The following SNTG2 variants were observed in gnomAD, a reference collection of about 807,000 sequenced individuals.
The protein encoded by SNTG2 is syntrophin gamma 2, also known as gamma-2-syntrophin.
Under a neutral mutation model 70.9 loss-of-function variants are expected in SNTG2, and 74 were observed. That is an observed-to-expected ratio of 1.04 (90% CI 0.86 to 1.27). The LOEUF is 1.27. Ranked by LOEUF, SNTG2 falls within the 50% of genes most tolerant of loss-of-function variation. The probability of loss-of-function intolerance (pLI) is 0.00; values close to 1 mark genes in which losing one functional copy is unlikely to be tolerated. For synonymous variants in SNTG2, 278 were observed against 273.8 expected, an observed-to-expected ratio of 1.02 and a Z score of -0.15; for missense variants, 717 against 690.7, an observed-to-expected ratio of 1.04 and a Z score of -0.43.
intron 16 of SNTG2, among the ~76,000 whole-genome samples, chr2:1,318,103 A>G (rs1187808876): frequency 6.6e-6 from 1 of 152,226 alleles, no homozygotes. Flanking sequence ...CCTGGAGGTG[A>G]CATTGTACTA....
intron 7 of SNTG2, among the ~76,000 whole-genome samples, chr2:1,165,864 G>T (rs1558480303): frequency 6.6e-6 from 1 of 152,124 alleles, no homozygotes; most frequent in Admixed American, 6.5e-5. Flanking sequence ...CGTGCTTCTC[G>T]ACTGTGCTTC....
chr2:1,336,529 T>C (rs546196438), intron 16 of SNTG2, among the ~76,000 whole-genome samples: 90 of 152,344 alleles, frequency 5.9e-4, no homozygotes, highest in African/African-American at 2.1e-3. Context: ...CAAAACATCA[T>C]TGCCCAGACC....
intron 9 of SNTG2, among the ~76,000 whole-genome samples, chr2:1,237,394 A>T (rs949262571): frequency 3.9e-5 from 6 of 152,178 alleles, no homozygotes; most frequent in Non-Finnish European, 7.3e-5. Context: ...ATACTTTGCC[A>T]TGATTGAGTT....
At chr2:1,148,409 T>C (rs2147796287) in intron 6 of SNTG2, among the ~76,000 whole-genome samples, 1 of 152,274 alleles carries the variant, frequency 6.6e-6, no homozygotes, top group South Asian at 2.1e-4. Context: ...AGGTGCATGC[T>C]TCACAGAAGT....
At position 1,203,690 on chromosome 2, in the gene SNTG2, A is replaced by ATGTG. The variant is rs1553355281; in HGVS notation, c.592-5393_592-5390dup. Among the ~76,000 whole-genome samples the ATGTG allele has an allele frequency of 4.6e-3, 657 of 141,330 alleles. 6 individuals carry two copies. The highest frequency in any genetic ancestry group is 7.1e-3 in the Middle Eastern group (2 of 280). 92.7% of individuals were successfully genotyped at this position (141,330 alleles called of 152,430 possible). A position where few individuals can be genotyped will look rare whatever the true frequency, so the allele number is the denominator to read the frequency against. ...AAAAAAAAAATATATATATATATAT[A>ATGTG]TGTGTGTGTGTGTGTGTGTGTGTAT... On this transcript the variant is annotated intron_variant, in intron 8 of 16. Transcript: ENST00000308624.
intron 9 of SNTG2, among the ~76,000 whole-genome samples, chr2:1,215,557 T>C (rs573394094): frequency 2.6e-5 from 4 of 151,766 alleles, no homozygotes; most frequent in Admixed American, 2.6e-4. Flanking sequence ...TTTCTTTTTT[T>C]TCTTTTTTTT....
At chr2:1,320,245 G>A (rs987773854) in intron 16 of SNTG2, among the ~76,000 whole-genome samples, 5 of 152,062 alleles carry the variant, frequency 3.3e-5, no homozygotes, top group East Asian at 1.9e-4. Flanking sequence ...CAAAAATCAC[G>A]TAGAATTGGC....
chr2:1,188,105 G>GA (rs1454777160), intron 8 of SNTG2, among the ~76,000 whole-genome samples: 1 of 152,208 alleles, frequency 6.6e-6, no homozygotes, highest in Non-Finnish European at 1.5e-5. Context: ...CTTAGGTTAA[G>GA]AAAAAACAGA....
chr2:1,049,927 A>G (rs749531941), intron 1 of SNTG2, among the ~76,000 whole-genome samples: 1 of 152,212 alleles, frequency 6.6e-6, no homozygotes, highest in Non-Finnish European at 1.5e-5. Context: ...CTTATCTGCC[A>G]TCTGTATGAA....
intron 1 of SNTG2, among the ~76,000 whole-genome samples, chr2:1,029,424 T>C (rs574111888): frequency 6.6e-6 from 1 of 152,364 alleles, no homozygotes; most frequent in South Asian, 2.1e-4. Context: ...TTTATTGCAT[T>C]ATTGAATAAT....
chr2:1,057,627 G>T (rs1662547784), intron 1 of SNTG2, among the ~76,000 whole-genome samples: 1 of 152,118 alleles, frequency 6.6e-6, no homozygotes, highest in Non-Finnish European at 1.5e-5. Flanking sequence ...TTAAGGGTGG[G>T]TCTGTTTTTC....
chr2:1,265,132 G>GC (rs1678652435), intron 13 of SNTG2, among the ~76,000 whole-genome samples: 1 of 151,968 alleles, frequency 6.6e-6, no homozygotes, highest in Admixed American at 6.5e-5. Context: ...TTCTTTATCA[G>GC]TTTTGACATT....
intron 1 of SNTG2, among the ~76,000 whole-genome samples, chr2:1,036,725 TCCC>T (rs72096475): frequency 0.29 from 43,653 of 152,066 alleles, 7,362 homozygotes; most frequent in Middle Eastern, 0.41. Context: ...TTCCAGCTGA[TCCC>T]CCAATTGTGT....
At chr2:1,070,938 G>A (rs1374213658) in intron 1 of SNTG2, among the ~76,000 whole-genome samples, 1 of 152,156 alleles carries the variant, frequency 6.6e-6, no homozygotes, top group Non-Finnish European at 1.5e-5. Flanking sequence ...ACTGGCTTGC[G>A]TCCTGCCTCT....
At chr2:1,169,787 T>C (rs967739249) in intron 7 of SNTG2, among the ~76,000 whole-genome samples, 4 of 152,120 alleles carry the variant, frequency 2.6e-5, no homozygotes, top group African/African-American at 9.7e-5. Flanking sequence ...ACCCCACACG[T>C]CCTCGGGCAC....
chr2:1,134,429 A>G (rs1668229161), intron 4 of SNTG2, among the ~76,000 whole-genome samples: 1 of 151,226 alleles, frequency 6.6e-6, no homozygotes, highest in South Asian at 2.1e-4. Context: ...CTTCCCCACT[A>G]GATTAGCTAG....
At chr2:1,043,067 C>G (rs556290675) in intron 1 of SNTG2, among the ~76,000 whole-genome samples, 14 of 152,324 alleles carry the variant, frequency 9.2e-5, no homozygotes, top group Non-Finnish European at 1.2e-4. Context: ...GCCATTCTGA[C>G]AGCTGTGAGA....
chr2:1,337,140 G>C (rs968249138), intron 16 of SNTG2, among the ~76,000 whole-genome samples: 1 of 152,128 alleles, frequency 6.6e-6, no homozygotes, highest in East Asian at 1.9e-4. Flanking sequence ...TGTGAATAAT[G>C]CTACTGTGAA....
Position 996,673 on chromosome 2 carries a change from GTTTTTTTTTTT to G in SNTG2, c.72+45626_72+45636del. Among the ~76,000 whole-genome samples, 21 of 35,098 alleles carry G rather than the reference GTTTTTTTTTTT, an allele frequency of 6.0e-4. No homozygotes were observed. In the East Asian group the frequency reaches 7.5e-3, roughly 13 times the overall value. 23.0% of individuals were successfully genotyped at this position (35,098 alleles called of 152,430 possible). A position where few individuals can be genotyped will look rare whatever the true frequency, so the allele number is the denominator to read the frequency against. ...ATATTGCTTGTATTTGAGTTACCCA[GTTTTTTTTTTT>G]TTTTTTTTTTTTTTTTTTTTACTAC... On this transcript the variant is annotated intron_variant, in intron 1 of 16. Coordinates refer to ENST00000308624, the MANE Select transcript of SNTG2 (RefSeq NM_018968.4).
Sources: gnomAD v4.1 joint callset for allele counts (sites outside exome capture counted in the v4.1 genomes callset) on GRCh38, gnomAD v4.1.1 for gene constraint, MANE v1.5 for transcripts, NCBI Gene and HGNC (gene_info 2026-07-23, HGNC 2026-07-21) for gene names.